NRF1: variants seen among roughly 807,000 people sequenced by gnomAD.
NRF1 encodes the protein alpha palindromic-binding protein.
In NRF1, 5 loss-of-function variants were observed where a neutral mutation model predicts 58.5. That is an observed-to-expected ratio of 0.09 (90% CI 0.04 to 0.18). NRF1 has a LOEUF of 0.18. Among genes scored for constraint, NRF1 ranks in the 10% least tolerant of loss-of-function variants. The probability of loss-of-function intolerance (pLI) is 1.00; values close to 1 mark genes in which losing one functional copy is unlikely to be tolerated. For missense variants in NRF1, 288 were observed against 657.7 expected (o/e 0.44, Z 6.15); for synonymous variants, 224 against 246.7 (o/e 0.91, Z 0.86).
intron 3 of NRF1, 148 bp from the exon 4 acceptor site, chr7:129,677,484 A>G (rs890499687): frequency 1.3e-5 from 9 of 679,176 alleles, no homozygotes; most frequent in Non-Finnish European, 2.2e-5. Flanking sequence ...TCTGCTGAAT[A>G]GGATAGCAAA....
chr7:129,617,759 A>G (rs1380777039), intron 1 of NRF1, among the ~76,000 whole-genome samples: 1 of 152,132 alleles, frequency 6.6e-6, no homozygotes, highest in Admixed American at 6.5e-5. Flanking sequence ...ACACAGAGAA[A>G]AGTGAGGTTA....
chr7:129,706,917 C>T (rs1023503021), intron 5 of NRF1, among the ~76,000 whole-genome samples: 6 of 152,122 alleles, frequency 3.9e-5, no homozygotes, highest in African/African-American at 1.4e-4. Context: ...TTTCTGATCA[C>T]TTTAGGATTT....
At chr7:129,679,118 CAT>C (rs1332233148) in intron 4 of NRF1, among the ~76,000 whole-genome samples, 2 of 152,124 alleles carry the variant, frequency 1.3e-5, no homozygotes, top group Non-Finnish European at 2.9e-5. Context: ...GAATAAAACA[CAT>C]AGTCTAGAAC....
intron 2 of NRF1, among the ~76,000 whole-genome samples, chr7:129,665,633 G>T (rs978097747): frequency 4.0e-5 from 6 of 151,782 alleles, no homozygotes; most frequent in Non-Finnish European, 5.9e-5. Flanking sequence ...GTTGTTGTTG[G>T]TTTTTTTTGA....
chr7:129,715,792 G>A (rs1803173179), intron 8 of NRF1, among the ~76,000 whole-genome samples: 1 of 152,136 alleles, frequency 6.6e-6, no homozygotes, highest in African/African-American at 2.4e-5. Flanking sequence ...ATCACCTGAA[G>A]TCGGGAGTTC....
intron 10 of NRF1, among the ~76,000 whole-genome samples, chr7:129,732,218 C>T (rs1202272252): frequency 2.6e-5 from 4 of 152,174 alleles, no homozygotes; most frequent in African/African-American, 9.7e-5. Context: ...TTGCAGCAAA[C>T]GTAATGAAAG....
At chr7:129,655,428 A>T (rs1801631123) in intron 1 of NRF1, among the ~76,000 whole-genome samples, 1 of 151,500 alleles carries the variant, frequency 6.6e-6, no homozygotes, top group African/African-American at 2.4e-5. Flanking sequence ...GGTACCCTTT[A>T]TTTCTTTTTA....
chr7:129,627,568 T>TC (rs1472786930), intron 1 of NRF1, among the ~76,000 whole-genome samples: 1 of 152,136 alleles, frequency 6.6e-6, no homozygotes, highest in Admixed American at 6.5e-5. Context: ...TTTGTAGGAC[T>TC]CCAAGTTTTT....
chr7:129,755,422 G>A lies in NRF1; in HGVS notation c.*241G>A, dbSNP rs1468881771. ...TTCACTGTCCCAAAAAAGCCAAATT[G>A]TGGCAGGACTTCTTTCTGCGGAAAT... On this transcript the variant is annotated 3_prime_UTR_variant, in exon 11 of 11. Coordinates refer to ENST00000393232, the MANE Select transcript of NRF1 (RefSeq NM_005011.5). The surrounding 1 kb of genome is among the most constrained non-coding windows in gnomAD (Gnocchi z 5.8). 4 of 438,796 alleles carry A rather than the reference G, an allele frequency of 9.1e-6. No individual in the cohort carries two copies. The highest frequency in any genetic ancestry group is 9.1e-5 in the East Asian group (2 of 21,976). 27.2% of individuals were successfully genotyped at this position (438,796 alleles called of 1,614,324 possible).
In NRF1 at chr7:129,707,784, C is replaced by T. The variant is rs116143877; in HGVS notation, c.607-1291C>T. ...TAGAGAGGTGAAGTGGCAGGCTTGG[C>T]ACAGGAATTAACAGCATGGCTACCG... On this transcript the variant is annotated intron_variant, in intron 5 of 10. Coordinates refer to ENST00000393232, the MANE Select transcript of NRF1 (RefSeq NM_005011.5). Among the ~76,000 whole-genome samples the T allele has an allele frequency of 8.7e-3, 1,327 of 152,108 alleles. 16 individuals carry two copies. Among genetic ancestry groups the T allele is most frequent in the African/African-American group, 0.03 (1,263 of 41,494 alleles).
chr7:129,726,218 GA>G (rs769415461), intron 9 of NRF1, among the ~76,000 whole-genome samples: 38 of 152,158 alleles, frequency 2.5e-4, no homozygotes, highest in Non-Finnish European at 3.7e-4. Context: ...ATTGCAAATT[GA>G]CACCTGATAC....
intron 1 of NRF1, among the ~76,000 whole-genome samples, chr7:129,612,118 G>C (rs1388175423): frequency 2.7e-5 from 4 of 150,484 alleles, no homozygotes; most frequent in African/African-American, 9.7e-5. Flanking sequence ...CCGCCGCCTG[G>C]GGCTCTCGGG....
intron 6 of NRF1, among the ~76,000 whole-genome samples, chr7:129,710,165 C>T (rs953827677): frequency 6.6e-6 from 1 of 152,150 alleles, no homozygotes; most frequent in African/African-American, 2.4e-5. Flanking sequence ...AGACTTTGAT[C>T]AAGAAGAAAC....
At chr7:129,735,298 G>A (rs934539900) in intron 10 of NRF1, 20 of 895,948 alleles carry the variant, frequency 2.2e-5, no homozygotes, top group South Asian at 5.1e-5. Flanking sequence ...TTGGGATGCC[G>A]ACGCGGGCGG....
At chr7:129,615,785 G>A (rs563215048) in intron 1 of NRF1, among the ~76,000 whole-genome samples, 1 of 152,228 alleles carries the variant, frequency 6.6e-6, no homozygotes, top group East Asian at 1.9e-4. Flanking sequence ...CCACTTTCTT[G>A]GGTTTTCAGT....
At chr7:129,746,646 C>T (rs1045699827) in intron 10 of NRF1, among the ~76,000 whole-genome samples, 9 of 152,286 alleles carry the variant, frequency 5.9e-5, no homozygotes, top group African/African-American at 1.4e-4. Context: ...CAATATAATC[C>T]GGAATTTAAT....
At chr7:129,703,944 G>T (rs1802892289) in intron 5 of NRF1, among the ~76,000 whole-genome samples, 1 of 151,998 alleles carries the variant, frequency 6.6e-6, no homozygotes, top group Admixed American at 6.6e-5. Context: ...GAGATTTCTA[G>T]CAAATAAATC....
At chr7:129,678,390 T>C (rs1802232603) in intron 4 of NRF1, among the ~76,000 whole-genome samples, 1 of 152,242 alleles carries the variant, frequency 6.6e-6, no homozygotes, top group African/African-American at 2.4e-5. Flanking sequence ...ATTTTGTTTT[T>C]ATTAGGGTAA....
At chr7:129,727,125 G>T in intron 9 of NRF1, 116 bp from the exon 10 acceptor site, 2 of 1,066,440 alleles carry the variant, frequency 1.9e-6, no homozygotes, top group Non-Finnish European at 2.6e-6. Flanking sequence ...TTGCTGGTAG[G>T]ATCACAACCA....
Sources: gnomAD v4.1 joint callset for allele counts (sites outside exome capture counted in the v4.1 genomes callset) on GRCh38, gnomAD v4.1.1 for gene constraint, Gnocchi (gnomAD v3.1) non-coding constraint, MANE v1.5 for transcripts, NCBI Gene and HGNC (gene_info 2026-07-23, HGNC 2026-07-21) for gene names.